Variants in SYT9 observed in about 807,000 individuals in gnomAD.
SYT9 encodes synaptotagmin-9.
Under a neutral mutation model 48.4 loss-of-function variants are expected in SYT9, and 22 were observed. That is an observed-to-expected ratio of 0.45 (90% CI 0.32 to 0.65). The LOEUF (loss-of-function observed/expected upper bound fraction) is 0.65, where lower values mean the gene tolerates loss of function less well. SYT9 is among the 30% of genes least tolerant of loss of function. The pLI is 0.03. For synonymous variants in SYT9, 265 were observed against 245.0 expected (o/e 1.08, Z -0.76); for missense variants, 577 against 622.0 (o/e 0.93, Z 0.77).
chr11:7,274,389 C>T lies in SYT9; in HGVS notation c.145+22058C>T, dbSNP rs147150479. 7.8e-4 allele frequency among the ~76,000 whole-genome samples: 115 copies of T among 147,214 alleles called. 1 individual carries two copies. The highest frequency in any genetic ancestry group is 2.9e-3 in the African/African-American group (113 of 39,212). On this transcript the variant is annotated intron_variant, in intron 1 of 6. Transcript: ENST00000318881. Reference sequence around the variant, plus strand: ...CTGCAGTGCAGTGGCACGATCTTGGCTCACTGCAACCTCTGCCTCCGGGTT... The same window carrying T: ...CTGCAGTGCAGTGGCACGATCTTGGTTCACTGCAACCTCTGCCTCCGGGTT...
chr11:7,382,044 A>G (rs1850575159), intron 3 of SYT9, among the ~76,000 whole-genome samples: 2 of 152,194 alleles, frequency 1.3e-5, no homozygotes, highest in African/African-American at 4.8e-5. Context: ...GTGTCAGTGC[A>G]TCAGCCCAGA....
chr11:7,438,634 C>T (rs991663119), intron 6 of SYT9: 1 of 152,304 alleles, frequency 6.6e-6, no homozygotes, highest in Non-Finnish European at 1.5e-5. Context: ...CTGGCTCAGC[C>T]TTGAAAGGGC....
chr11:7,415,903 T>C (rs751115466), intron 3 of SYT9, 139 bp from the exon 4 acceptor site: 5 of 1,051,628 alleles, frequency 4.8e-6, no homozygotes, highest in Non-Finnish European at 5.6e-6. Context: ...GTGACTGACA[T>C]GAACGGAAGA....
intron 2 of SYT9, among the ~76,000 whole-genome samples, chr11:7,310,259 A>G (rs1322982909): frequency 6.6e-6 from 1 of 151,864 alleles, no homozygotes; most frequent in Non-Finnish European, 1.5e-5. Context: ...TCAGCCTCCC[A>G]AGTAGCTGGG....
chr11:7,463,537 G>A (rs1290640385), intron 6 of SYT9, among the ~76,000 whole-genome samples: 1 of 152,192 alleles, frequency 6.6e-6, no homozygotes, highest in Non-Finnish European at 1.5e-5. Flanking sequence ...CTTCTCCTGA[G>A]ACAACTTTTT....
intron 3 of SYT9, among the ~76,000 whole-genome samples, chr11:7,347,827 G>C (rs1849831541): frequency 6.6e-6 from 1 of 152,150 alleles, no homozygotes; most frequent in Non-Finnish European, 1.5e-5. Flanking sequence ...GCCTCCTGAA[G>C]CATTTGTTCT....
chr11:7,419,582 C>T (rs1394599094), intron 5 of SYT9, among the ~76,000 whole-genome samples: 1 of 152,144 alleles, frequency 6.6e-6, no homozygotes, highest in Non-Finnish European at 1.5e-5. Context: ...AGGCGGGGAC[C>T]TACCTAGGGA....
At chr11:7,386,423 T>A (rs1248499992) in intron 3 of SYT9, among the ~76,000 whole-genome samples, 1 of 145,650 alleles carries the variant, frequency 6.9e-6, no homozygotes, top group African/African-American at 2.5e-5. Context: ...ATATCCAGAA[T>A]CTACAATGAA....
At chr11:7,408,791 A>G (rs1847075331) in intron 3 of SYT9, among the ~76,000 whole-genome samples, 1 of 152,086 alleles carries the variant, frequency 6.6e-6, no homozygotes, top group South Asian at 2.1e-4. Flanking sequence ...CCTCTTTTCC[A>G]ATTTGGATGC....
chr11:7,256,764 C>CAA (rs1847979199), intron 1 of SYT9, among the ~76,000 whole-genome samples: 2 of 152,102 alleles, frequency 1.3e-5, no homozygotes, highest in Admixed American at 1.3e-4. Flanking sequence ...ATTCATGTTC[C>CAA]AACTCCATAT....
chr11:7,342,100 T>C (rs771174144), intron 3 of SYT9, among the ~76,000 whole-genome samples: 1 of 152,100 alleles, frequency 6.6e-6, no homozygotes, highest in Non-Finnish European at 1.5e-5. Flanking sequence ...CATGTGGAAA[T>C]TATGGGAGCG....
chr11:7,302,718 A>C (rs936820067), intron 1 of SYT9, among the ~76,000 whole-genome samples: 21 of 152,216 alleles, frequency 1.4e-4, no homozygotes, highest in Non-Finnish European at 2.8e-4. Flanking sequence ...TGTAGGATAG[A>C]GTCTCATTTA....
At chr11:7,462,402 A>G (rs539928634) in intron 6 of SYT9, among the ~76,000 whole-genome samples, 79 of 152,300 alleles carry the variant, frequency 5.2e-4, no homozygotes, top group Non-Finnish European at 1.0e-3. Context: ...CTACTGGCCC[A>G]ATCTCCTGAA....
intron 1 of SYT9, among the ~76,000 whole-genome samples, chr11:7,264,136 G>T (rs74807585): frequency 0.013 from 1,943 of 152,196 alleles, 37 homozygotes; most frequent in African/African-American, 0.042. Context: ...GATTGCTCTT[G>T]TATTCTTGGT....
intron 3 of SYT9, among the ~76,000 whole-genome samples, chr11:7,377,215 G>A (rs193047297): frequency 3.3e-5 from 5 of 151,600 alleles, no homozygotes; most frequent in Non-Finnish European, 4.4e-5. Flanking sequence ...ACTGTTCTAG[G>A]AGGTGAGGGT....
chr11:7,336,958 T>C (rs574704006), intron 3 of SYT9, among the ~76,000 whole-genome samples: 6 of 152,288 alleles, frequency 3.9e-5, no homozygotes, highest in South Asian at 4.1e-4. Flanking sequence ...CATTGTAATA[T>C]TGATTCTTCT....
At chr11:7,340,727 C>A (rs1010075510) in intron 3 of SYT9, among the ~76,000 whole-genome samples, 2 of 152,196 alleles carry the variant, frequency 1.3e-5, no homozygotes, top group Non-Finnish European at 2.9e-5. Flanking sequence ...GTGATGGCTG[C>A]AAGACAGCAA....
intron 6 of SYT9, among the ~76,000 whole-genome samples, chr11:7,443,586 C>A (rs55969616): frequency 0.14 from 21,110 of 152,264 alleles, 1,637 homozygotes; most frequent in Middle Eastern, 0.18. Flanking sequence ...ATCAGCAGCT[C>A]ATGTGCTCCG....
chr11:7,292,557 G>T (rs180772057), intron 1 of SYT9, among the ~76,000 whole-genome samples: 47 of 152,292 alleles, frequency 3.1e-4, no homozygotes, highest in Non-Finnish European at 4.9e-4. Context: ...GCCCTACAGG[G>T]CAGGTTGGGA....
Sources: gnomAD v4.1 joint callset for allele counts (sites outside exome capture counted in the v4.1 genomes callset) on GRCh38, gnomAD v4.1.1 for gene constraint, MANE v1.5 for transcripts, NCBI Gene and HGNC (gene_info 2026-07-23, HGNC 2026-07-21) for gene names.